PMPCB: variants seen among roughly 807,000 people sequenced by gnomAD.
PMPCB encodes peptidase, mitochondrial processing subunit beta.
In PMPCB, 46 loss-of-function variants were observed where a neutral mutation model predicts 61.5. That is an observed-to-expected ratio of 0.75 (90% CI 0.59 to 0.96). PMPCB has a LOEUF of 0.96. PMPCB is among the 40% of genes least tolerant of loss of function. The pLI, the probability that PMPCB is intolerant of heterozygous loss-of-function variation, is 0.00. For synonymous variants in PMPCB, 191 were observed against 201.6 expected (o/e 0.95, Z 0.44); for missense variants, 590 against 602.4 (o/e 0.98, Z 0.22).
At position 103,313,665 on chromosome 7, in the gene PMPCB, G is replaced by C. The variant is rs534974393; in HGVS notation, c.*1394G>C. On this transcript the variant is annotated 3_prime_UTR_variant, in exon 13 of 13. Coordinates refer to ENST00000249269, the MANE Select transcript of PMPCB (RefSeq NM_004279.3). The stretch of plus-strand genomic sequence containing the variant: ...TGTGTTGTAGTGTGGTGTTCTCTTC[G>C]TCACATCTGCTAAAATCTTGGGAGC... 2 of 985,370 alleles carry C rather than the reference G, an allele frequency of 2.0e-6. No homozygotes were observed. The highest frequency in any genetic ancestry group is 2.4e-6 in the Non-Finnish European group (2 of 829,920). The allele number at this position is 985,370 out of a possible 1,614,324, so 61.0% of individuals were successfully genotyped here. A position where few individuals can be genotyped will look rare whatever the true frequency, so the allele number is the denominator to read the frequency against.
At chr7:103,338,524 T>G in the PMPCB span, among the ~76,000 whole-genome samples, 3 of 151,446 alleles carry the variant, frequency 2.0e-5, no homozygotes, top group Non-Finnish European at 4.4e-5. Context: ...CTCGAACTCC[T>G]GACCTCAGGT....
At chr7:103,337,618 C>T in the PMPCB span, 1 of 803,280 alleles carries the variant, frequency 1.2e-6, no homozygotes, top group Non-Finnish European at 2.0e-6. Flanking sequence ...GACAATATAA[C>T]ACATGCTGTT....
At chr7:103,342,480 T>G in the PMPCB span, among the ~76,000 whole-genome samples, 1 of 151,536 alleles carries the variant, frequency 6.6e-6, no homozygotes, top group Non-Finnish European at 1.5e-5. Context: ...TAATTTTGTA[T>G]TTTTAGTAGA....
the PMPCB span, chr7:103,336,600 C>G: frequency 2.0e-5 from 3 of 152,244 alleles, no homozygotes; most frequent in African/African-American, 7.2e-5. Context: ...CCCGTCTCGG[C>G]CTCCCAAAGT....
Position 103,307,670 on chromosome 7 carries a change from A to G in PMPCB, c.811A>G (p.Ile271Val). The G allele has an allele frequency of 6.2e-7, 1 of 1,613,270 alleles. No individual in the cohort carries two copies. Among genetic ancestry groups the G allele is most frequent in the Non-Finnish European group, 8.5e-7 (1 of 1,179,200 alleles). Residue 271 changes from isoleucine (I) to valine (V), a missense_variant, in exon 7 of 13, where the codon ATA becomes GTA. By Grantham distance (29) the Ile-to-Val change is conservative. Coordinates refer to ENST00000249269, the MANE Select transcript of PMPCB (RefSeq NM_004279.3). ...GDSLCTHKGEIPALPPCKFTG... is the reference protein window; with the variant it reads ...GDSLCTHKGEVPALPPCKFTG... ...CTCTTTATGCACACACAAAGGAGAA[A>G]TACCAGCTCTGCCTCCCTGCAAATT... is the stretch of plus-strand genomic sequence containing the variant.
Position 103,326,526 on chromosome 7 carries a change from G to C in PMPCB, c.*1432-2405G>C, listed in dbSNP as rs1476381154. ...AGCCAACAGGGCACTATGATCAAAA[G>C]GGATGCCTTAACTTACCTGGAATTC... On this transcript the variant is annotated intron_variant and NMD_transcript_variant, in intron 12 of 12. Transcript: ENST00000444457. 3.7e-6 allele frequency: 6 copies of C among 1,613,332 alleles called. No individual in the cohort carries two copies. The East Asian group carries it at 1.3e-4, about 36-fold the overall frequency.
downstream of PMPCB, among the ~76,000 whole-genome samples, chr7:103,315,192 C>A (rs113316465): frequency 6.7e-6 from 1 of 150,102 alleles, no homozygotes; most frequent in African/African-American, 2.4e-5. Flanking sequence ...TTGAGTCTTA[C>A]TATGTTTCCT....
chr7:103,316,751 A>G (rs1312750752), downstream of PMPCB: 2 of 1,176,238 alleles, frequency 1.7e-6, no homozygotes, highest in Non-Finnish European at 2.4e-6. Context: ...TGTGATAACA[A>G]GTGCTGCTAT....
chr7:103,312,273 A>T lies in PMPCB; in HGVS notation c.*2A>T. 4 of 1,609,928 alleles carry T rather than the reference A, an allele frequency of 2.5e-6. No individual in the cohort carries two copies. The highest frequency in any genetic ancestry group is 3.4e-6 in the Non-Finnish European group (4 of 1,179,884). On this transcript the variant is annotated 3_prime_UTR_variant, in exon 13 of 13. Coordinates refer to ENST00000249269, the MANE Select transcript of PMPCB (RefSeq NM_004279.3). ...AACATGTGTTGGCTTCGTGATTAAAATGCTCCTAATCAAGATTGTTTGAAC... is the reference window on the plus strand; with the variant it reads ...AACATGTGTTGGCTTCGTGATTAAATTGCTCCTAATCAAGATTGTTTGAAC...
chr7:103,323,594 A>T (rs1818540339), intron 12 of PMPCB: 2 of 1,468,408 alleles, frequency 1.4e-6, no homozygotes, highest in African/African-American at 2.8e-5. Flanking sequence ...ATTTGCATAC[A>T]TACCATTCTG....
At chr7:103,319,810 C>T (rs756662289) in intron 12 of PMPCB, 26 of 1,614,038 alleles carry the variant, frequency 1.6e-5, no homozygotes, top group Admixed American at 5.0e-5. Flanking sequence ...CATTTTAACC[C>T]GCTCTGCCTC....
chr7:103,303,785 T>G, intron 4 of PMPCB, 57 bp from the exon 5 acceptor site: 6 of 1,283,404 alleles, frequency 4.7e-6, no homozygotes, highest in Non-Finnish European at 6.5e-6. Context: ...TTTAATAGAT[T>G]TTAATAGTGA....
In PMPCB at chr7:103,323,773, TA is replaced by T. The variant is rs1394070571; in HGVS notation, c.*1432-5157del. 26 of 847,942 alleles carry T rather than the reference TA, an allele frequency of 3.1e-5. No homozygotes were observed. In the East Asian group the frequency reaches 9.9e-4, roughly 32 times the overall value. 52.5% of individuals were successfully genotyped at this position (847,942 alleles called of 1,614,324 possible). ...ATGGATACCTTTCCTTCCCTTCTAG[TA>T]TTGAACTAAGGTCAAGTCTTTCTCC... On this transcript the variant is annotated intron_variant and NMD_transcript_variant, in intron 12 of 12. Transcript: ENST00000444457.
downstream of PMPCB, chr7:103,315,952 G>C: frequency 6.5e-7 from 1 of 1,534,252 alleles, no homozygotes; most frequent in East Asian, 2.3e-5. Flanking sequence ...TTAAAAATAG[G>C]TGTTTAAAGT....
At chr7:103,344,647 G>A in the PMPCB span, 1 of 1,604,256 alleles carries the variant, frequency 6.2e-7, no homozygotes, top group Non-Finnish European at 8.5e-7. Flanking sequence ...TAGCCCGGTG[G>A]GCGCAGCGGC....
the PMPCB span, chr7:103,336,511 T>C: frequency 6.6e-6 from 1 of 152,110 alleles, no homozygotes; most frequent in East Asian, 1.9e-4. Flanking sequence ...ACCCAGCTAA[T>C]TTTTTTGTAT....
chr7:103,298,051 T>G, intron 1 of PMPCB: 1 of 587,324 alleles, frequency 1.7e-6, no homozygotes, highest in South Asian at 2.4e-5. Context: ...GAAAAACTGC[T>G]GAAAGGCGAA....
the PMPCB span, chr7:103,341,724 C>A: frequency 6.8e-7 from 1 of 1,467,056 alleles, no homozygotes; most frequent in Non-Finnish European, 9.1e-7. Context: ...CTATGTCTAA[C>A]AAAGCATCTG....
chr7:103,309,286 A>G (rs1817674511), intron 8 of PMPCB, 191 bp downstream of exon 8: 1 of 434,976 alleles, frequency 2.3e-6, no homozygotes, highest in East Asian at 3.8e-5. Context: ...TCTTTGCCAC[A>G]AAGTTTATTA....
Sources: gnomAD v4.1 joint callset for allele counts (sites outside exome capture counted in the v4.1 genomes callset) on GRCh38, gnomAD v4.1.1 for gene constraint, MANE v1.5 for transcripts, NCBI Gene and HGNC (gene_info 2026-07-23, HGNC 2026-07-21) for gene names.